Variants in KCNQ1OT1 observed in about 807,000 individuals in gnomAD.
The protein encoded by KCNQ1OT1 is KCNQ1 antisense RNA 2 (non-protein coding).
Position 2,679,661 on chromosome 11 carries a change from T to C in KCNQ1OT1, n.20334A>G. The C allele has an allele frequency of 2.5e-6, 1 of 398,602 alleles. No homozygotes were observed. Among genetic ancestry groups the C allele is most frequent in the Non-Finnish European group, 4.4e-6 (1 of 226,060 alleles). The allele number at this position is 398,602 out of a possible 1,614,324, so 24.7% of individuals were successfully genotyped here. On this transcript the variant is annotated non_coding_transcript_exon_variant, in exon 1 of 1. Transcript: ENST00000597346. This position sits in a 1 kb window ranked among gnomAD's most constrained non-coding sequence, Gnocchi z 4.8. The stretch of plus-strand genomic sequence containing the variant: ...ATACAAGTGCATCCTCATAAGATTA[T>C]TTAGGATGCATAGGATCCCAGATTA...
In KCNQ1OT1 at chr11:2,673,472, A is replaced by G. The variant is rs528269819; in HGVS notation, n.26523T>C. On this transcript the variant is annotated non_coding_transcript_exon_variant, in exon 1 of 1. Coordinates refer to ENST00000597346, the Ensembl canonical transcript of KCNQ1OT1. This position sits in a 1 kb window ranked among gnomAD's most constrained non-coding sequence, Gnocchi z 4.5. ...CCTCCTTGAGCCGGAACACCTGAAA[A>G]GCCATACAGACTCCTGCTCATCACA... 3.5e-3 allele frequency: 1,392 copies of G among 398,620 alleles called. 9 individuals are homozygous for G. Among genetic ancestry groups the G allele is most frequent in the Middle Eastern group, 5.7e-3 (9 of 1,586 alleles). The allele number at this position is 398,620 out of a possible 1,614,324, so 24.7% of individuals were successfully genotyped here. A position where few individuals can be genotyped will look rare whatever the true frequency, so the allele number is the denominator to read the frequency against.
rs891291205 is a variant in KCNQ1OT1, at chr11:2,621,468, G to A, written n.78527C>T. On this transcript the variant is annotated non_coding_transcript_exon_variant, in exon 1 of 1. Transcript: ENST00000597346. The surrounding 1 kb of genome is among the most constrained non-coding windows in gnomAD (Gnocchi z 5.7). ...AGGACCTTTGCCAGATGAATAGTTT[G>A]CAAATATTTTTTCTCCCATTCTATA... 1.3e-5 allele frequency: 5 copies of A among 398,464 alleles called. No individual in the cohort carries two copies. Among genetic ancestry groups the A allele is most frequent in the Non-Finnish European group, 2.2e-5 (5 of 226,042 alleles). The allele number at this position is 398,464 out of a possible 1,614,324, so 24.7% of individuals were successfully genotyped here. A position where few individuals can be genotyped will look rare whatever the true frequency, so the allele number is the denominator to read the frequency against.
chr11:2,661,854 C>T lies in KCNQ1OT1; in HGVS notation n.38141G>A. The T allele has an allele frequency of 9.2e-6, 13 of 1,412,914 alleles. No individual in the cohort carries two copies. Among genetic ancestry groups the T allele is most frequent in the Non-Finnish European group, 1.2e-5 (12 of 1,001,558 alleles). The allele number at this position is 1,412,914 out of a possible 1,614,324, so 87.5% of individuals were successfully genotyped here. ...GATTGTCAGGGCTGGAGCTTCCAGG[C>T]ACAAGCTCCACTCCTCACCTGGCCC... On this transcript the variant is annotated non_coding_transcript_exon_variant, in exon 1 of 1. Transcript: ENST00000597346. The surrounding 1 kb of genome is among the most constrained non-coding windows in gnomAD (Gnocchi z 5.9).
At position 2,673,715 on chromosome 11, in the gene KCNQ1OT1, G is replaced by A. The variant is rs115983762; in HGVS notation, n.26280C>T. On this transcript the variant is annotated non_coding_transcript_exon_variant, in exon 1 of 1. Coordinates refer to ENST00000597346, the Ensembl canonical transcript of KCNQ1OT1. This position sits in a 1 kb window ranked among gnomAD's most constrained non-coding sequence, Gnocchi z 4.5. ...ATTCCTGAGGTTGCTGAATCTCAGG[G>A]CTTGGAAGGCCCAGACTGGACAGGG... The A allele has an allele frequency of 1.2e-3, 478 of 398,724 alleles. 1 individual carries two copies. The highest frequency in any genetic ancestry group is 9.1e-3 in the African/African-American group (442 of 48,750). The allele number at this position is 398,724 out of a possible 1,614,324, so 24.7% of individuals were successfully genotyped here.
exon 1 of KCNQ1OT1, chr11:2,643,940 G>T: frequency 2.5e-6 from 1 of 398,484 alleles, no homozygotes; most frequent in Non-Finnish European, 4.4e-6. Context: ...CATCCTCCTG[G>T]CCTGTAAAGT....
exon 1 of KCNQ1OT1, chr11:2,662,214 T>A: frequency 7.9e-7 from 1 of 1,270,166 alleles, no homozygotes; most frequent in Non-Finnish European, 1.1e-6. Context: ...ACTTGCCGTC[T>A]GCCTGGCCCC....
At chr11:2,632,195 A>AG (rs1307996153) in exon 1 of KCNQ1OT1, 1 of 397,732 alleles carries the variant, frequency 2.5e-6, no homozygotes, top group Non-Finnish European at 4.4e-6. Flanking sequence ...AAAAAAAAAA[A>AG]AAAAAAAAGA....
Position 2,678,034 on chromosome 11 carries a change from T to A in KCNQ1OT1, n.21961A>T, listed in dbSNP as rs1361321891. The A allele has an allele frequency of 2.5e-6, 1 of 398,396 alleles. No homozygotes were observed. Among genetic ancestry groups the A allele is most frequent in the Non-Finnish European group, 4.4e-6 (1 of 226,008 alleles). 24.7% of individuals were successfully genotyped at this position (398,396 alleles called of 1,614,324 possible). A position where few individuals can be genotyped will look rare whatever the true frequency, so the allele number is the denominator to read the frequency against. On this transcript the variant is annotated non_coding_transcript_exon_variant, in exon 1 of 1. Coordinates refer to ENST00000597346, the Ensembl canonical transcript of KCNQ1OT1. This position sits in a 1 kb window ranked among gnomAD's most constrained non-coding sequence, Gnocchi z 4.9. ...CTTAAAATCATTTGTTTTTCTTTCT[T>A]GTGAACTATTTCTTCATACCCTTTG...
At position 2,626,721 on chromosome 11, in the gene KCNQ1OT1, G is replaced by T. The variant is rs535144917; in HGVS notation, n.73274C>A. ...TTATTTTATTTTTTGTAGAGATGAG[G>T]TCTCCCTGTGTTCCCCAGGCTGGTC... On this transcript the variant is annotated non_coding_transcript_exon_variant, in exon 1 of 1. Transcript: ENST00000597346. The surrounding 1 kb of genome is among the most constrained non-coding windows in gnomAD (Gnocchi z 4.0). 1.4e-4 allele frequency: 55 copies of T among 398,404 alleles called. No homozygotes were observed. The highest frequency in any genetic ancestry group is 3.1e-4 in the Admixed American group (7 of 22,694). The allele number at this position is 398,404 out of a possible 1,614,324, so 24.7% of individuals were successfully genotyped here.
In KCNQ1OT1 at chr11:2,699,458, CGGGAGAGTGCCGCGCTGAGGAGCCCCCG is replaced by C. The variant is rs1190500462; in HGVS notation, n.509_536del. ...TGGGAGAACCGCACTGAGGAGCCGC[CGGGAGAGTGCCGCGCTGAGGAGCCCCCG>C]GGGAGAGTGCCGCGCTGAGGAGCCC... On this transcript the variant is annotated non_coding_transcript_exon_variant, in exon 1 of 1. Transcript: ENST00000597346. The C allele has an allele frequency of 2.1e-4, 83 of 400,144 alleles. 1 individual carries two copies. The highest frequency in any genetic ancestry group is 5.6e-4 in the African/African-American group (27 of 47,930). The allele number at this position is 400,144 out of a possible 1,614,324, so 24.8% of individuals were successfully genotyped here. A position where few individuals can be genotyped will look rare whatever the true frequency, so the allele number is the denominator to read the frequency against.
rs1365559232 is a variant in KCNQ1OT1 at position 2,627,705 on chromosome 11, T to C, written n.72290A>G. 2.5e-6 allele frequency: 1 copy of C among 398,468 alleles called. No homozygotes were observed. Among genetic ancestry groups the C allele is most frequent in the Non-Finnish European group, 4.4e-6 (1 of 226,068 alleles). The allele number at this position is 398,468 out of a possible 1,614,324, so 24.7% of individuals were successfully genotyped here. Reference sequence around the variant, plus strand: ...GTGTGTGTGTCTGTATGTATATGTATGTGATGTGTTTATTTGGGAATTTGG... The same window carrying C: ...GTGTGTGTGTCTGTATGTATATGTACGTGATGTGTTTATTTGGGAATTTGG... On this transcript the variant is annotated non_coding_transcript_exon_variant, in exon 1 of 1. Coordinates refer to ENST00000597346, the Ensembl canonical transcript of KCNQ1OT1. The surrounding 1 kb of genome is among the most constrained non-coding windows in gnomAD (Gnocchi z 4.9).
chr11:2,629,196 C>T (rs932816159), exon 1 of KCNQ1OT1: 12 of 398,000 alleles, frequency 3.0e-5, no homozygotes, highest in East Asian at 1.1e-4. Context: ...ATAGCTATTT[C>T]GGCAATATTT....
exon 1 of KCNQ1OT1, chr11:2,619,175 C>A (rs1331837384): frequency 2.5e-6 from 1 of 398,220 alleles, no homozygotes; most frequent in Non-Finnish European, 4.4e-6. Context: ...ATTTCTTTTT[C>A]TTGTCTGTTT....
chr11:2,641,777 A>G (rs1849580747), exon 1 of KCNQ1OT1: 1 of 398,412 alleles, frequency 2.5e-6, no homozygotes, highest in Non-Finnish European at 4.4e-6. Context: ...TTCATGCCTC[A>G]TGTTTAAGTC....
At position 2,658,783 on chromosome 11, in the gene KCNQ1OT1, A is replaced by T. The variant is rs1849897888; in HGVS notation, n.41212T>A. ...AGTTCATACTGACATTTCTGACCAG[A>T]GTTCATCCTTGCCCCCTCCCCCACA... On this transcript the variant is annotated non_coding_transcript_exon_variant, in exon 1 of 1. Transcript: ENST00000597346. The surrounding 1 kb of genome is among the most constrained non-coding windows in gnomAD (Gnocchi z 4.9). The T allele has an allele frequency of 7.5e-6, 3 of 398,544 alleles. No individual in the cohort carries two copies. Among genetic ancestry groups the T allele is most frequent in the Non-Finnish European group, 1.3e-5 (3 of 226,044 alleles). 24.7% of individuals were successfully genotyped at this position (398,544 alleles called of 1,614,324 possible). A position where few individuals can be genotyped will look rare whatever the true frequency, so the allele number is the denominator to read the frequency against.
Position 2,652,068 on chromosome 11 carries a change from A to G in KCNQ1OT1, n.47927T>C. 2.5e-6 allele frequency: 1 copy of G among 398,574 alleles called. No homozygotes were observed. The highest frequency in any genetic ancestry group is 4.4e-6 in the Non-Finnish European group (1 of 226,086). 24.7% of individuals were successfully genotyped at this position (398,574 alleles called of 1,614,324 possible). A position where few individuals can be genotyped will look rare whatever the true frequency, so the allele number is the denominator to read the frequency against. On this transcript the variant is annotated non_coding_transcript_exon_variant, in exon 1 of 1. Transcript: ENST00000597346. This position sits in a 1 kb window ranked among gnomAD's most constrained non-coding sequence, Gnocchi z 5.9. ...CTGACTGTGTCCAGGCTCCAATTTG[A>G]GAAGCTATGGGGAGCCTCTCGGCCC... is the stretch of plus-strand genomic sequence containing the variant.
chr11:2,652,089 G>A lies in KCNQ1OT1; in HGVS notation n.47906C>T, dbSNP rs908789717. On this transcript the variant is annotated non_coding_transcript_exon_variant, in exon 1 of 1. Coordinates refer to ENST00000597346, the Ensembl canonical transcript of KCNQ1OT1. The surrounding 1 kb of genome is among the most constrained non-coding windows in gnomAD (Gnocchi z 5.9). ...TTTGAGAAGCTATGGGGAGCCTCTC[G>A]GCCCCAGTTCTGGCCTGGCTGGGAG... 2.5e-5 allele frequency: 10 copies of A among 398,518 alleles called. No homozygotes were observed. The highest frequency in any genetic ancestry group is 1.0e-4 in the African/African-American group (5 of 48,630). 24.7% of individuals were successfully genotyped at this position (398,518 alleles called of 1,614,324 possible).
Position 2,620,768 on chromosome 11 carries a change from T to A in KCNQ1OT1, n.79227A>T, listed in dbSNP as rs566613213. The A allele has an allele frequency of 2.5e-6, 1 of 398,644 alleles. No homozygotes were observed. The highest frequency in any genetic ancestry group is 1.3e-4 in the South Asian group (1 of 7,860). The allele number at this position is 398,644 out of a possible 1,614,324, so 24.7% of individuals were successfully genotyped here. A position where few individuals can be genotyped will look rare whatever the true frequency, so the allele number is the denominator to read the frequency against. On this transcript the variant is annotated non_coding_transcript_exon_variant, in exon 1 of 1. Transcript: ENST00000597346. This position sits in a 1 kb window ranked among gnomAD's most constrained non-coding sequence, Gnocchi z 4.5. The stretch of plus-strand genomic sequence containing the variant: ...TCAGTTATTTGAGAAAACTCCAAAC[T>A]GCTTAGCACAGTGGCTGAACTAATT...
In KCNQ1OT1 at chr11:2,669,423, G is replaced by A; in HGVS notation, n.30572C>T. The stretch of plus-strand genomic sequence containing the variant: ...CATCATGTGTCCCTTGTTTATTTAG[G>A]TTGACTTTCATATCTTTTACCTTGC... On this transcript the variant is annotated non_coding_transcript_exon_variant, in exon 1 of 1. Transcript: ENST00000597346. This position sits in a 1 kb window ranked among gnomAD's most constrained non-coding sequence, Gnocchi z 5.6. 1 of 398,600 alleles carries A rather than the reference G, an allele frequency of 2.5e-6. No individual in the cohort carries two copies. Among genetic ancestry groups the A allele is most frequent in the Non-Finnish European group, 4.4e-6 (1 of 226,066 alleles). 24.7% of individuals were successfully genotyped at this position (398,600 alleles called of 1,614,324 possible).
Sources: allele counts gnomAD v4.1 joint callset, GRCh38; gene constraint gnomAD v4.1.1; non-coding constraint Gnocchi (gnomAD v3.1); transcripts MANE v1.5; gene names NCBI Gene and HGNC (gene_info 2026-07-23, HGNC 2026-07-21).